SLC12A8: variants seen among roughly 807,000 people sequenced by gnomAD.
The protein encoded by SLC12A8 is solute carrier family 12 member 8, also known as cation-chloride cotransporter 9.
In SLC12A8, 69 loss-of-function variants were observed where a neutral mutation model predicts 75.6. The observed-to-expected ratio is 0.91, with a 90% CI of 0.75 to 1.11. The LOEUF (loss-of-function observed/expected upper bound fraction) is 1.11, where lower values mean the gene tolerates loss of function less well. SLC12A8 is among the 50% of genes most tolerant of loss of function. The pLI is 0.00. For synonymous variants in SLC12A8, 365 were observed against 372.8 expected (o/e 0.98, Z 0.24); for missense variants, 877 against 896.7 (o/e 0.98, Z 0.28).
chr3:125,162,401 A>G (rs1934195149), intron 5 of SLC12A8, among the ~76,000 whole-genome samples: 1 of 152,152 alleles, frequency 6.6e-6, no homozygotes, highest in Admixed American at 6.5e-5. Context: ...GCCCCCAGTG[A>G]AACCACCTTT....
At chr3:125,116,499 C>A (rs143285580) in intron 8 of SLC12A8, among the ~76,000 whole-genome samples, 1 of 152,182 alleles carries the variant, frequency 6.6e-6, no homozygotes, top group Non-Finnish European at 1.5e-5. Context: ...GAGGCTCCCC[C>A]GGTTTGTGTG....
chr3:125,141,165 G>A (rs112044722), intron 5 of SLC12A8, among the ~76,000 whole-genome samples: 8 of 148,832 alleles, frequency 5.4e-5, no homozygotes, highest in African/African-American at 1.5e-4. Context: ...AACAAAAAGG[G>A]GGGTGGGGTG....
At chr3:125,203,146 GC>G (rs1210457532) in intron 2 of SLC12A8, among the ~76,000 whole-genome samples, 1 of 148,256 alleles carries the variant, frequency 6.7e-6, no homozygotes, top group Non-Finnish European at 1.5e-5. Flanking sequence ...TGTTAAAATG[GC>G]CATACTATGC....
At chr3:125,182,047 G>A (rs1464281649) in intron 4 of SLC12A8, among the ~76,000 whole-genome samples, 1 of 152,056 alleles carries the variant, frequency 6.6e-6, no homozygotes, top group Non-Finnish European at 1.5e-5. Context: ...GCTGGGTGCC[G>A]GGTGCAGTGG....
At chr3:125,181,432 T>A (rs2107790498) in intron 4 of SLC12A8, among the ~76,000 whole-genome samples, 1 of 148,924 alleles carries the variant, frequency 6.7e-6, no homozygotes, top group South Asian at 2.1e-4. Flanking sequence ...AAACCCCGTC[T>A]CTACTAAAAA....
At chr3:125,133,320 T>A (rs1157896937) in intron 6 of SLC12A8, among the ~76,000 whole-genome samples, 2 of 151,796 alleles carry the variant, frequency 1.3e-5, no homozygotes, top group African/African-American at 4.8e-5. Flanking sequence ...AATATACCCA[T>A]AAAACCATCA....
At chr3:125,109,759 C>T (rs77085486) in intron 9 of SLC12A8, among the ~76,000 whole-genome samples, 1 of 152,152 alleles carries the variant, frequency 6.6e-6, no homozygotes, top group Non-Finnish European at 1.5e-5. Context: ...AAACAGCAAC[C>T]CCCAAGGGGC....
intron 6 of SLC12A8, among the ~76,000 whole-genome samples, chr3:125,129,976 C>T (rs1182301624): frequency 1.3e-5 from 2 of 152,288 alleles, no homozygotes; most frequent in East Asian, 1.9e-4. Context: ...CTCCTCTGCA[C>T]CCCTCCTCCC....
chr3:125,147,001 G>A (rs1440835624), intron 5 of SLC12A8, among the ~76,000 whole-genome samples: 2 of 152,304 alleles, frequency 1.3e-5, no homozygotes, highest in Admixed American at 6.5e-5. Context: ...CGTTGTGCTC[G>A]GGAGTTTGCC....
At chr3:125,113,105 C>G (rs1297581376) in intron 8 of SLC12A8, among the ~76,000 whole-genome samples, 1 of 152,152 alleles carries the variant, frequency 6.6e-6, no homozygotes, top group African/African-American at 2.4e-5. Flanking sequence ...AATGCCCCAG[C>G]CTGGCATCCT....
intron 2 of SLC12A8, among the ~76,000 whole-genome samples, chr3:125,207,124 C>T (rs894903064): frequency 6.6e-6 from 1 of 152,202 alleles, no homozygotes. Flanking sequence ...GTCTCAGCGA[C>T]CTGGAAACTC....
chr3:125,202,058 C>T (rs911076756), intron 2 of SLC12A8, among the ~76,000 whole-genome samples: 92 of 152,130 alleles, frequency 6.0e-4, no homozygotes, highest in African/African-American at 2.0e-3. Context: ...CAGGCACCTG[C>T]CTCCACACCC....
chr3:125,179,704 TGAGA>T (rs5852445), intron 4 of SLC12A8, among the ~76,000 whole-genome samples: 55,829 of 150,032 alleles, frequency 0.37, 10,438 homozygotes, highest in East Asian at 0.47. Context: ...CAATCATTTC[TGAGA>T]GAGAGAGAGA....
intron 5 of SLC12A8, among the ~76,000 whole-genome samples, chr3:125,142,056 G>C (rs951366312): frequency 6.6e-6 from 1 of 152,182 alleles, no homozygotes; most frequent in African/African-American, 2.4e-5. Context: ...CTCGCACCCG[G>C]CCTCGCGCGC....
Position 125,107,918 on chromosome 3 carries a change from C to T in SLC12A8, c.1268G>A (p.Gly423Asp), listed in dbSNP as rs1461292736. The T allele has an allele frequency of 1.2e-6, 2 of 1,614,058 alleles. No individual in the cohort carries two copies. Among genetic ancestry groups the T allele is most frequent in the African/African-American group, 1.3e-5 (1 of 74,920 alleles). Residue 423 changes from glycine to aspartate, a missense_variant, in exon 10 of 14, where the codon GGC becomes GAC. By Grantham distance (94) the Gly-to-Asp change is moderately conservative. Coordinates refer to ENST00000469902, the MANE Select transcript of SLC12A8 (RefSeq NM_024628.6). ...TPVPEPVLRE[G>D]AEGLHCSEHL... ...CTCAGAGCAGTGGAGGCCTTCTGCG[C>T]CCTCCCTGAGCACCGGCTCAGGCAC... is the stretch of plus-strand genomic sequence containing the variant.
chr3:125,111,634 C>T (rs143716411), intron 8 of SLC12A8, among the ~76,000 whole-genome samples: 1 of 152,306 alleles, frequency 6.6e-6, no homozygotes, highest in East Asian at 1.9e-4. Flanking sequence ...TGAAGGCTCT[C>T]CTCACCCCAT....
intron 13 of SLC12A8, 40 bp downstream of exon 13, chr3:125,088,270 C>T: frequency 2.5e-6 from 4 of 1,602,764 alleles, no homozygotes; most frequent in Non-Finnish European, 3.4e-6. Flanking sequence ...GGACTCTGGA[C>T]ACTCATCCAT....
intron 8 of SLC12A8, among the ~76,000 whole-genome samples, chr3:125,117,542 G>A (rs1939342937): frequency 6.6e-6 from 1 of 152,056 alleles, no homozygotes. Flanking sequence ...GCTGTAATGA[G>A]CCATGTTCAC....
At chr3:125,161,110 T>C (rs1488504501) in intron 5 of SLC12A8, among the ~76,000 whole-genome samples, 2 of 152,196 alleles carry the variant, frequency 1.3e-5, no homozygotes, top group Non-Finnish European at 2.9e-5. Flanking sequence ...TGCTTGGGCT[T>C]CCCATCCTCT....
Sources: allele counts gnomAD v4.1 joint callset (sites outside exome capture counted in the v4.1 genomes callset), GRCh38; gene constraint gnomAD v4.1.1; transcripts MANE v1.5; gene names NCBI Gene and HGNC (gene_info 2026-07-23, HGNC 2026-07-21).